MGAT4A: variants seen among roughly 807,000 people sequenced by gnomAD.
MGAT4A encodes alpha-1,3-mannosyl-glycoprotein 4-beta-N-acetylglucosaminyltransferase A.
MGAT4A carries 33 observed loss-of-function variants against 74.1 expected under a neutral mutation model. That is an observed-to-expected ratio of 0.45 (90% CI 0.34 to 0.60). MGAT4A has a LOEUF of 0.60. MGAT4A is among the 20% of genes least tolerant of loss of function. The pLI is 0.02. For synonymous variants in MGAT4A, 198 were observed against 210.4 expected (o/e 0.94, Z 0.51); for missense variants, 479 against 628.3 (o/e 0.76, Z 2.54).
rs1264561438 is a variant in MGAT4A, at chr2:98,621,498, ACT to A, written c.*4066_*4067del. Reference sequence around the variant, plus strand: ...TGACTTCTGCCACCAGCCCGAGAAAACTCTCTGCTTTTAAAGGAGTCACAAGA... The same window carrying A: ...TGACTTCTGCCACCAGCCCGAGAAAACTCTGCTTTTAAAGGAGTCACAAGA... On this transcript the variant is annotated 3_prime_UTR_variant, in exon 16 of 16. Transcript: ENST00000393487. 6 of 1,550,832 alleles carry A rather than the reference ACT, an allele frequency of 3.9e-6. No homozygotes were observed. The highest frequency in any genetic ancestry group is 2.4e-5 in the East Asian group (1 of 40,906).
chr2:98,674,799 C>T (rs952626217), intron 4 of MGAT4A, among the ~76,000 whole-genome samples: 4 of 152,172 alleles, frequency 2.6e-5, no homozygotes, highest in Non-Finnish European at 2.9e-5. Flanking sequence ...CAACATTTGT[C>T]TGCCTGGGAT....
At chr2:98,671,879 G>A (rs1701915340) in intron 4 of MGAT4A, among the ~76,000 whole-genome samples, 1 of 134,318 alleles carries the variant, frequency 7.4e-6, no homozygotes, top group African/African-American at 2.8e-5. Context: ...GTCATGGTCA[G>A]AGAGATTTGA....
chr2:98,635,814 C>A (rs1701310118), intron 13 of MGAT4A, among the ~76,000 whole-genome samples: 1 of 151,430 alleles, frequency 6.6e-6, no homozygotes. Flanking sequence ...AGTGCTGAAA[C>A]CCAGTCTCTA....
intron 2 of MGAT4A, among the ~76,000 whole-genome samples, chr2:98,703,186 T>C (rs1019590231): frequency 2.4e-4 from 36 of 152,118 alleles, no homozygotes; most frequent in South Asian, 4.1e-4. Context: ...ACTCAATGAA[T>C]AGAGAAAACG....
chr2:98,677,186 T>C (rs1701985921), intron 3 of MGAT4A, among the ~76,000 whole-genome samples: 1 of 152,168 alleles, frequency 6.6e-6, no homozygotes, highest in Admixed American at 6.5e-5. Flanking sequence ...TGACCAGGAT[T>C]TCTCAGAGAA....
chr2:98,641,473 G>A (rs1466991633), intron 10 of MGAT4A, among the ~76,000 whole-genome samples: 7 of 141,036 alleles, frequency 5.0e-5, no homozygotes, highest in Non-Finnish European at 1.1e-4. Flanking sequence ...GGCTAACACG[G>A]TGAAACCCCA....
rs1448653904 is a variant in MGAT4A at position 98,622,097 on chromosome 2, C to T, written c.*3469G>A. On this transcript the variant is annotated 3_prime_UTR_variant, in exon 16 of 16. Transcript: ENST00000393487. ...AAGATAAAGAACTTAAGAAATCTTA[C>T]ATCTTAGAATCCTAGAAATGGGTCC... is the stretch of plus-strand genomic sequence containing the variant. 3 of 985,224 alleles carry T rather than the reference C, an allele frequency of 3.0e-6. No individual in the cohort carries two copies. Among genetic ancestry groups the T allele is most frequent in the Non-Finnish European group, 3.6e-6 (3 of 829,826 alleles). 61.0% of individuals were successfully genotyped at this position (985,224 alleles called of 1,614,324 possible).
intron 3 of MGAT4A, among the ~76,000 whole-genome samples, chr2:98,678,085 C>A (rs1314282905): frequency 6.6e-6 from 1 of 150,862 alleles, no homozygotes; most frequent in Admixed American, 6.6e-5. Context: ...AAAAAATTAG[C>A]CAGGTGTGGT....
At chr2:98,642,239 G>A (rs1372904940) in intron 10 of MGAT4A, among the ~76,000 whole-genome samples, 1 of 152,066 alleles carries the variant, frequency 6.6e-6, no homozygotes, top group Non-Finnish European at 1.5e-5. Flanking sequence ...GTTGAGGAGA[G>A]AGCAAAACCA....
Position 98,619,482 on chromosome 2 carries a change from GTTCTGAATGGGA to G in MGAT4A, c.*6072_*6083del, listed in dbSNP as rs1228029628. ...CTAATGCAGACAACCTTTCCAAAGT[GTTCTGAATGGGA>G]CACTTCAGTTTTTCCATTCCATAAA... On this transcript the variant is annotated 3_prime_UTR_variant, in exon 16 of 16. Transcript: ENST00000393487. 6.6e-6 allele frequency: 1 copy of G among 152,142 alleles called. No homozygotes were observed. Among genetic ancestry groups the G allele is most frequent in the Non-Finnish European group, 1.5e-5 (1 of 68,026 alleles). 9.4% of individuals were successfully genotyped at this position (152,142 alleles called of 1,614,324 possible). A position where few individuals can be genotyped will look rare whatever the true frequency, so the allele number is the denominator to read the frequency against.
At chr2:98,673,038 G>A (rs983486267) in intron 4 of MGAT4A, among the ~76,000 whole-genome samples, 2 of 152,098 alleles carry the variant, frequency 1.3e-5, no homozygotes, top group Non-Finnish European at 2.9e-5. Context: ...GCACCTGCTT[G>A]TAGTCGCTGG....
intron 12 of MGAT4A, among the ~76,000 whole-genome samples, chr2:98,637,727 T>C (rs1051521593): frequency 6.6e-6 from 1 of 152,184 alleles, no homozygotes. Context: ...GTTACTAGAA[T>C]TGTCACCTTT....
intron 14 of MGAT4A, among the ~76,000 whole-genome samples, chr2:98,627,929 C>T (rs561286099): frequency 9.9e-5 from 15 of 152,262 alleles, no homozygotes; most frequent in African/African-American, 3.6e-4. Context: ...TGACATATGA[C>T]ACATTCAAAT....
At chr2:98,693,595 T>C (rs1255497110) in intron 2 of MGAT4A, among the ~76,000 whole-genome samples, 1 of 151,492 alleles carries the variant, frequency 6.6e-6, no homozygotes, top group Non-Finnish European at 1.5e-5. Context: ...TGGTCCCACA[T>C]ACTTGCGGGG....
intron 12 of MGAT4A, among the ~76,000 whole-genome samples, chr2:98,639,066 C>T (rs1701364270): frequency 6.6e-6 from 1 of 152,278 alleles, no homozygotes; most frequent in Admixed American, 6.5e-5. Flanking sequence ...GGGTGGATCA[C>T]CTGAGGTCAG....
intron 14 of MGAT4A, among the ~76,000 whole-genome samples, chr2:98,627,423 T>G (rs1205666227): frequency 1.3e-5 from 2 of 152,218 alleles, no homozygotes. Flanking sequence ...TCACCCAAGC[T>G]GGAGTGCGAT....
chr2:98,654,012 A>G (rs1701620766), intron 8 of MGAT4A, among the ~76,000 whole-genome samples: 1 of 152,168 alleles, frequency 6.6e-6, no homozygotes, highest in Admixed American at 6.5e-5. Flanking sequence ...AACACACAAA[A>G]ATCAATCAGT....
At chr2:98,691,351 G>T (rs776430417) in intron 2 of MGAT4A, among the ~76,000 whole-genome samples, 9 of 151,888 alleles carry the variant, frequency 5.9e-5, no homozygotes, top group Non-Finnish European at 1.2e-4. Context: ...GAGGCGGGAG[G>T]ATCACTGGAG....
At chr2:98,724,839 A>C (rs1702736848) in intron 2 of MGAT4A, among the ~76,000 whole-genome samples, 1 of 151,650 alleles carries the variant, frequency 6.6e-6, no homozygotes, top group South Asian at 2.1e-4. Context: ...CTCTTATTTC[A>C]TAAACAGACT....
Sources: allele counts gnomAD v4.1 joint callset (sites outside exome capture counted in the v4.1 genomes callset), GRCh38; gene constraint gnomAD v4.1.1; transcripts MANE v1.5; gene names NCBI Gene and HGNC (gene_info 2026-07-23, HGNC 2026-07-21).